Variants in SLC23A1 observed in about 807,000 individuals in gnomAD.
SLC23A1 encodes Na(+)/L-ascorbic acid transporter 1.
Under a neutral mutation model 62.5 loss-of-function variants are expected in SLC23A1, and 31 were observed. The ratio of observed to expected loss-of-function variants is 0.50; its 90% confidence interval spans 0.37 to 0.67. The LOEUF (loss-of-function observed/expected upper bound fraction) is 0.67, where lower values mean the gene tolerates loss of function less well. SLC23A1 is among the 30% of genes least tolerant of loss of function. SLC23A1 has a pLI of 0.00. For synonymous variants in SLC23A1, 271 were observed against 313.2 expected (o/e 0.87, Z 1.42); for missense variants, 640 against 782.7 (o/e 0.82, Z 2.18).
intron 2 of SLC23A1, 108 bp from the exon 3 acceptor site, chr5:139,382,157 C>T: frequency 8.6e-7 from 1 of 1,166,394 alleles, no homozygotes; most frequent in Non-Finnish European, 1.2e-6. Context: ...GAACCGGCTG[C>T]CTGCCCAGGA....
Position 139,379,163 on chromosome 5 carries a change from T to G in SLC23A1, c.1073+44A>C, listed in dbSNP as rs35721934. ...CCCGTTCCTGTGTGTGCTTCCTGGG[T>G]GGCGCCTGAGGAGATCAGATACTGA... On this transcript the variant is annotated intron_variant, in intron 9 of 14. Transcript: ENST00000348729. The surrounding 1 kb of genome is among the most constrained non-coding windows in gnomAD (Gnocchi z 4.7). 3.6e-3 allele frequency: 5,764 copies of G among 1,601,120 alleles called. 196 individuals carry two copies. The African/African-American group carries it at 0.067, about 19-fold the overall frequency.
In SLC23A1 at chr5:139,379,179, C is replaced by T; in HGVS notation, c.1073+28G>A. The T allele has an allele frequency of 6.2e-7, 1 of 1,612,534 alleles. No individual in the cohort carries two copies. The highest frequency in any genetic ancestry group is 2.2e-5 in the East Asian group (1 of 44,846). ...CTTCCTGGGTGGCGCCTGAGGAGAT[C>T]AGATACTGAGGAGGGCAGGTAGGCT... On this transcript the variant is annotated intron_variant, in intron 9 of 14. Transcript: ENST00000348729. This position sits in a 1 kb window ranked among gnomAD's most constrained non-coding sequence, Gnocchi z 4.7.
chr5:139,374,254 A>G (rs911910866), intron 13 of SLC23A1, among the ~76,000 whole-genome samples: 4 of 152,176 alleles, frequency 2.6e-5, no homozygotes, highest in African/African-American at 9.7e-5. Flanking sequence ...GGCTCTGGAT[A>G]GGTAAAGACA....
rs1758000596 is a variant in SLC23A1, at chr5:139,377,435, A to T, written c.1516T>A (p.Cys506Ser). 1.3e-5 allele frequency: 21 copies of T among 1,610,794 alleles called. No individual in the cohort carries two copies. Among genetic ancestry groups the T allele is most frequent in the Non-Finnish European group, 1.8e-5 (21 of 1,176,980 alleles). Residue 506 changes from cysteine to serine, a missense_variant, in exon 13 of 15, where the codon TGC becomes AGC. Coordinates refer to ENST00000348729, the MANE Select transcript of SLC23A1 (RefSeq NM_005847.5). ...LLTTEMFVGGCLAFILDNTVP... is the reference protein window; with the variant it reads ...LLTTEMFVGGSLAFILDNTVP... The stretch of plus-strand genomic sequence containing the variant: ...GTGTTGTCAAGTATGAAAGCAAGGC[A>T]CCCGCCCACAAACATCTCCGTGGTC...
chr5:139,372,313 C>T, intron 13 of SLC23A1, 60 bp from the exon 14 acceptor site: 6 of 1,530,408 alleles, frequency 3.9e-6, no homozygotes, highest in Non-Finnish European at 5.3e-6. Flanking sequence ...CCCCCACTTC[C>T]CATAACCCAG....
chr5:139,373,191 T>G (rs1021652017), intron 13 of SLC23A1, among the ~76,000 whole-genome samples: 2 of 152,078 alleles, frequency 1.3e-5, no homozygotes, highest in Admixed American at 1.3e-4. Context: ...GTTGTTGTTG[T>G]TTTTGAGACA....
In SLC23A1 at chr5:139,383,207, G is replaced by A; in HGVS notation, c.36+11C>T. ...CTGCCCCCCCTAGCCCCCACCCCCAGCCCCCAGCACCTGTGTCCGGCCCTC... is the reference window on the plus strand; with the variant it reads ...CTGCCCCCCCTAGCCCCCACCCCCAACCCCCAGCACCTGTGTCCGGCCCTC... On this transcript the variant is annotated intron_variant, in intron 1 of 14. Transcript: ENST00000348729. 3.5e-6 allele frequency: 1 copy of A among 283,794 alleles called. No homozygotes were observed. Among genetic ancestry groups the A allele is most frequent in the Non-Finnish European group, 5.1e-6 (1 of 195,656 alleles). 17.6% of individuals were successfully genotyped at this position (283,794 alleles called of 1,614,324 possible). A position where few individuals can be genotyped will look rare whatever the true frequency, so the allele number is the denominator to read the frequency against.
chr5:139,379,069 G>A lies in SLC23A1; in HGVS notation c.1073+138C>T, dbSNP rs1235234409. 8.2e-6 allele frequency: 7 copies of A among 850,516 alleles called. No homozygotes were observed. The highest frequency in any genetic ancestry group is 3.2e-5 in the South Asian group (2 of 62,606). The allele number at this position is 850,516 out of a possible 1,614,324, so 52.7% of individuals were successfully genotyped here. A position where few individuals can be genotyped will look rare whatever the true frequency, so the allele number is the denominator to read the frequency against. ...GGGGTGATGAGAGGGCACCCCCATC[G>A]CACAAACAAGGAGAATGAGGTCTGG... On this transcript the variant is annotated intron_variant, in intron 9 of 14. Coordinates refer to ENST00000348729, the MANE Select transcript of SLC23A1 (RefSeq NM_005847.5). This position sits in a 1 kb window ranked among gnomAD's most constrained non-coding sequence, Gnocchi z 4.7.
chr5:139,385,167 C>T (rs1758465720), upstream of SLC23A1, among the ~76,000 whole-genome samples: 1 of 152,234 alleles, frequency 6.6e-6, no homozygotes, highest in Admixed American at 6.5e-5. Context: ...CTGCACATGG[C>T]TCTCGTGCAA....
intron 14 of SLC23A1, among the ~76,000 whole-genome samples, chr5:139,370,073 T>C (rs757557612): frequency 1.3e-5 from 2 of 152,210 alleles, no homozygotes; most frequent in East Asian, 3.8e-4. Context: ...TGAAAAAGAT[T>C]AAGAGAGCCA....
In SLC23A1 at chr5:139,372,139, C is replaced by G. The variant is rs951256137; in HGVS notation, c.1664G>C (p.Arg555Thr). 1.9e-6 allele frequency: 3 copies of G among 1,613,744 alleles called. No individual in the cohort carries two copies. The highest frequency in any genetic ancestry group is 2.7e-5 in the African/African-American group (2 of 74,906). ...AGGAATGTATTTCAGAAAGGTAATT[C>G]TTTTTACTATGCCCATCCCAATGGG... is the stretch of plus-strand genomic sequence containing the variant. ...DFPIGMGIVK[R>T]ITFLKYIPIC... The change falls in exon 14 of 15, where the codon AGA (arginine) becomes ACA (threonine). Residue 555 changes from arginine to threonine, a missense_variant. Arg to Thr is a moderately conservative substitution (Grantham distance 71). Transcript: ENST00000348729.
chr5:139,368,302 T>C (rs1193915086), intron 14 of SLC23A1, among the ~76,000 whole-genome samples: 2 of 151,760 alleles, frequency 1.3e-5, no homozygotes. Context: ...ATCGCGCCAC[T>C]GCACTGCAGC....
chr5:139,380,531 A>G, intron 5 of SLC23A1, 34 bp downstream of exon 5: 1 of 1,609,714 alleles, frequency 6.2e-7, no homozygotes, highest in Non-Finnish European at 8.5e-7. Flanking sequence ...CCTCCTCAGG[A>G]CCCGGCCTCT....
At position 139,378,672 on chromosome 5, in the gene SLC23A1, G is replaced by A. The variant is rs1465281201; in HGVS notation, c.1086C>T (p.Thr362=). The change falls in exon 10 of 15, where the codon ACC becomes ACT. Residue 362 remains threonine, a synonymous_variant. Coordinates refer to ENST00000348729, the MANE Select transcript of SLC23A1 (RefSeq NM_005847.5). The surrounding 1 kb of genome is among the most constrained non-coding windows in gnomAD (Gnocchi z 4.5). The stretch of plus-strand genomic sequence containing the variant: ...CCGCGATGATGCAGCAAATGCCTTC[G>A]GTGAAGATGCCCCTGTAAGGAAAGG... ...PVHAINRGIF[T]EGICCIIAGL... The A allele has an allele frequency of 6.2e-6, 10 of 1,608,726 alleles. No homozygotes were observed. Among genetic ancestry groups the A allele is most frequent in the Non-Finnish European group, 8.5e-6 (10 of 1,177,542 alleles).
chr5:139,368,713 T>C (rs755866362), intron 14 of SLC23A1: 5 of 1,596,108 alleles, frequency 3.1e-6, no homozygotes, highest in Non-Finnish European at 4.3e-6. Context: ...AACTTGCTTT[T>C]TTATGTACTT....
At chr5:139,383,196 C>A (rs1476281568) in intron 1 of SLC23A1, 22 bp downstream of exon 1, 1 of 977,136 alleles carries the variant, frequency 1.0e-6, no homozygotes, top group African/African-American at 1.8e-5. Flanking sequence ...CCCCCCTAGC[C>A]CCCACCCCCA....
upstream of SLC23A1, among the ~76,000 whole-genome samples, chr5:139,384,041 A>C (rs1270667053): frequency 6.6e-6 from 1 of 152,218 alleles, no homozygotes; most frequent in Non-Finnish European, 1.5e-5. Flanking sequence ...AGTGCAAAGT[A>C]AGAATGTGAG....
rs2152057183 is a variant in SLC23A1, at chr5:139,367,284, A to T, written c.*367T>A. On this transcript the variant is annotated 3_prime_UTR_variant, in exon 15 of 15. Coordinates refer to ENST00000348729, the MANE Select transcript of SLC23A1 (RefSeq NM_005847.5). ...AATGTAAAAGCCTTGCAGCATACCT[A>T]CATTTCAGGCCCTGGAACCTGCCCT... The T allele has an allele frequency of 1.3e-5, 2 of 152,328 alleles. No homozygotes were observed. Among genetic ancestry groups the T allele is most frequent in the Admixed American group, 6.5e-5 (1 of 15,296 alleles). The allele number at this position is 152,328 out of a possible 1,614,324, so 9.4% of individuals were successfully genotyped here. A position where few individuals can be genotyped will look rare whatever the true frequency, so the allele number is the denominator to read the frequency against.
In SLC23A1 at chr5:139,382,609, G is replaced by C. The variant is rs1758332716; in HGVS notation, c.37-4C>G. The C allele has an allele frequency of 2.5e-6, 4 of 1,572,974 alleles. No individual in the cohort carries two copies. The East Asian group carries it at 9.0e-5, about 35-fold the overall frequency. The stretch of plus-strand genomic sequence containing the variant: ...AGGGGTCCCTGGTGGTTTCATGCTG[G>C]AGGCAGCAGAGATAAGTAGCTTAGG... On this transcript the variant is annotated splice_polypyrimidine_tract_variant and splice_region_variant and intron_variant, in intron 1 of 14. Coordinates refer to ENST00000348729, the MANE Select transcript of SLC23A1 (RefSeq NM_005847.5).
Sources: gnomAD v4.1 joint callset for allele counts (sites outside exome capture counted in the v4.1 genomes callset) on GRCh38, gnomAD v4.1.1 for gene constraint, Gnocchi (gnomAD v3.1) non-coding constraint, MANE v1.5 for transcripts, NCBI Gene and HGNC (gene_info 2026-07-23, HGNC 2026-07-21) for gene names.